Variants in GPR27 observed in about 807,000 individuals in gnomAD.
GPR27 encodes G protein-coupled receptor 27.
In GPR27, 3 loss-of-function variants were observed where a neutral mutation model predicts 2.4. The ratio of observed to expected loss-of-function variants is 1.23; its 90% CI spans 0.56 to 3.18. The LOEUF (loss-of-function observed/expected upper bound fraction) is 3.18, where lower values mean the gene tolerates loss of function less well. Among genes scored for constraint, GPR27 ranks in the 30% most tolerant of loss-of-function variants. The probability of loss-of-function intolerance (pLI) is 0.03; values close to 1 mark genes in which losing one functional copy is unlikely to be tolerated. For missense variants in GPR27, 526 were observed against 566.1 expected, an observed-to-expected ratio of 0.93 and a Z score of 0.72; for synonymous variants, 367 against 296.4, an observed-to-expected ratio of 1.24 and a Z score of -2.45.
Position 71,754,242 on chromosome 3 carries a change from G to C in GPR27, c.193G>C (p.Gly65Arg). The C allele has an allele frequency of 7.7e-7, 1 of 1,294,404 alleles. No individual in the cohort carries two copies. Among genetic ancestry groups the C allele is most frequent in the Non-Finnish European group, 1.0e-6 (1 of 1,004,126 alleles). 80.2% of individuals were successfully genotyped at this position (1,294,404 alleles called of 1,614,324 possible). Reference protein sequence around the residue: ...YLLLDLCLADGLRALACLPAV... With the variant: ...YLLLDLCLADRLRALACLPAV... ...GCTGCTCGACCTGTGCCTGGCCGAC[G>C]GGCTGCGCGCGCTCGCCTGCCTCCC... The change falls in exon 1 of 1, where the codon GGG (glycine) becomes CGG (arginine). Residue 65 changes from glycine (G) to arginine (R), a missense_variant. Transcript: ENST00000304411. The surrounding 1 kb of genome is among the most constrained non-coding windows in gnomAD (Gnocchi z 5.8).
In GPR27 at chr3:71,754,711, C is replaced by T; in HGVS notation, c.662C>T (p.Pro221Leu). The T allele has an allele frequency of 6.7e-7, 1 of 1,484,050 alleles. No individual in the cohort carries two copies. The highest frequency in any genetic ancestry group is 8.9e-7 in the Non-Finnish European group (1 of 1,121,732). 91.9% of individuals were successfully genotyped at this position (1,484,050 alleles called of 1,614,324 possible). Residue 221 changes from proline to leucine, a missense_variant, in exon 1 of 1, where the codon CCC (proline) becomes CTC (leucine). By Grantham distance (98) the Pro-to-Leu change is moderately conservative. Coordinates refer to ENST00000304411, the MANE Select transcript of GPR27 (RefSeq NM_018971.3). The surrounding 1 kb of genome is among the most constrained non-coding windows in gnomAD (Gnocchi z 5.8). Reference sequence around the variant, plus strand: ...AAGATGCGGCCCGCGCGCCTGGTGCCCGCCGTCAGCCACGACTGGACCTTC... The same window carrying T: ...AAGATGCGGCCCGCGCGCCTGGTGCTCGCCGTCAGCCACGACTGGACCTTC... The part of the protein sequence containing the change: ...RRKMRPARLV[P>L]AVSHDWTFHG...
Position 71,756,218 on chromosome 3 carries a change from T to C in GPR27, c.*1041T>C, listed in dbSNP as rs184748745. The stretch of plus-strand genomic sequence containing the variant: ...TATAAATGAATGGAATATAATGATA[T>C]CCTCCTTCTAGGAAACAAAGCATTT... On this transcript the variant is annotated 3_prime_UTR_variant, in exon 1 of 1. Coordinates refer to ENST00000304411, the MANE Select transcript of GPR27 (RefSeq NM_018971.3). 2.3e-3 allele frequency: 350 copies of C among 152,334 alleles called. 1 individual carries two copies. The highest frequency in any genetic ancestry group is 7.5e-3 in the African/African-American group (313 of 41,576). 9.4% of individuals were successfully genotyped at this position (152,334 alleles called of 1,614,324 possible). A position where few individuals can be genotyped will look rare whatever the true frequency, so the allele number is the denominator to read the frequency against.
Position 71,755,012 on chromosome 3 carries a change from G to T in GPR27, c.963G>T (p.Thr321=). The T allele has an allele frequency of 6.2e-7, 1 of 1,613,168 alleles. No homozygotes were observed. Among genetic ancestry groups the T allele is most frequent in the Non-Finnish European group, 8.5e-7 (1 of 1,179,948 alleles). Residue 321 remains threonine, a synonymous_variant, in exon 1 of 1, where the codon ACG becomes ACT. Transcript: ENST00000304411. ...RPGAVPQAYL[T]ASVWLTFAQA... is the part of the protein sequence containing the mutation. ...GCGCCGTCCCCCAGGCCTACCTGACGGCCTCCGTGTGGCTGACCTTCGCGC... is the reference window on the plus strand; with the variant it reads ...GCGCCGTCCCCCAGGCCTACCTGACTGCCTCCGTGTGGCTGACCTTCGCGC...
In GPR27 at chr3:71,754,048, C is replaced by A. The variant is rs1401218828; in HGVS notation, c.-2C>A. The A allele has an allele frequency of 8.0e-7, 1 of 1,248,382 alleles. No individual in the cohort carries two copies. Among genetic ancestry groups the A allele is most frequent in the Non-Finnish European group, 1.0e-6 (1 of 985,030 alleles). The allele number at this position is 1,248,382 out of a possible 1,614,324, so 77.3% of individuals were successfully genotyped here. A position where few individuals can be genotyped will look rare whatever the true frequency, so the allele number is the denominator to read the frequency against. On this transcript the variant is annotated 5_prime_UTR_variant, in exon 1 of 1. Transcript: ENST00000304411. This position sits in a 1 kb window ranked among gnomAD's most constrained non-coding sequence, Gnocchi z 5.8. The stretch of plus-strand genomic sequence containing the variant: ...CGGAGCGCACGGCCTGGTGAGGCCG[C>A]GATGGCGAACGCGAGCGAGCCGGGT...
chr3:71,755,120 G>A lies in GPR27; in HGVS notation c.1071G>A (p.Gln357=), dbSNP rs2049989596. 9 of 1,609,704 alleles carry A rather than the reference G, an allele frequency of 5.6e-6. No homozygotes were observed. Among genetic ancestry groups the A allele is most frequent in the Non-Finnish European group, 7.6e-6 (9 of 1,179,818 alleles). ...DCFRAQFPCC[Q]SPRTTQATHP... ...TCAGGGCCCAGTTCCCCTGCTGCCA[G>A]AGCCCCCGGACCACCCAGGCGACCC... The change falls in exon 1 of 1, where the codon CAG becomes CAA. Residue 357 remains glutamine, a synonymous_variant. Transcript: ENST00000304411.
At position 71,754,950 on chromosome 3, in the gene GPR27, G is replaced by A. The variant is rs199998362; in HGVS notation, c.901G>A (p.Val301Ile). The A allele has an allele frequency of 5.3e-5, 86 of 1,613,276 alleles. No individual in the cohort carries two copies. The highest frequency in any genetic ancestry group is 7.1e-5 in the Non-Finnish European group (84 of 1,179,784). ...LLFLLLWGPY[V>I]VASYLRVLVR... ...CTTCCTGCTCCTCTGGGGGCCCTAC[G>A]TCGTGGCCAGCTACCTGCGGGTCCT... is the stretch of plus-strand genomic sequence containing the variant. Residue 301 changes from valine to isoleucine, a missense_variant, in exon 1 of 1, where the codon GTC becomes ATC. Around this residue, in one of 3 missense-constraint regions of GPR27, gnomAD observed 116 missense variants for 100.9 expected, o/e 1.15. Coordinates refer to ENST00000304411, the MANE Select transcript of GPR27 (RefSeq NM_018971.3). This position sits in a 1 kb window ranked among gnomAD's most constrained non-coding sequence, Gnocchi z 5.8.
At position 71,755,039 on chromosome 3, in the gene GPR27, G is replaced by C. The variant is rs2049987831; in HGVS notation, c.990G>C (p.Gln330His). The change falls in exon 1 of 1, where the codon CAG (glutamine) becomes CAC (histidine). Residue 330 changes from glutamine to histidine, a missense_variant. This residue lies in a region of GPR27 where 116 missense variants were observed against 100.9 expected (regional missense o/e 1.15). Coordinates refer to ENST00000304411, the MANE Select transcript of GPR27 (RefSeq NM_018971.3). ...LTASVWLTFA[Q>H]AGINPVVCFL... Reference sequence around the variant, plus strand: ...CCTCCGTGTGGCTGACCTTCGCGCAGGCCGGCATCAACCCCGTCGTGTGCT... The same window carrying C: ...CCTCCGTGTGGCTGACCTTCGCGCACGCCGGCATCAACCCCGTCGTGTGCT... 5 of 1,612,456 alleles carry C rather than the reference G, an allele frequency of 3.1e-6. No homozygotes were observed. The highest frequency in any genetic ancestry group is 4.2e-6 in the Non-Finnish European group (5 of 1,179,992).
chr3:71,754,593 G>T lies in GPR27; in HGVS notation c.544G>T (p.Gly182Cys). 1 of 1,420,680 alleles carries T rather than the reference G, an allele frequency of 7.0e-7. No homozygotes were observed. The highest frequency in any genetic ancestry group is 9.2e-7 in the Non-Finnish European group (1 of 1,086,986). 88.0% of individuals were successfully genotyped at this position (1,420,680 alleles called of 1,614,324 possible). The change falls in exon 1 of 1, where the codon GGC becomes TGC. Residue 182 changes from glycine to cysteine, a missense_variant. Gly to Cys is a radical substitution (Grantham distance 159). Around this residue, in one of 3 missense-constraint regions of GPR27, gnomAD observed 312 missense variants for 318.4 expected, o/e 0.98. Transcript: ENST00000304411. This position sits in a 1 kb window ranked among gnomAD's most constrained non-coding sequence, Gnocchi z 5.8. ...ALEQRPDGAP[G>C]ALGFLLLLAV... is the part of the protein sequence containing the mutation. ...GGAGCAGCGGCCCGACGGCGCCCCC[G>T]GCGCGCTGGGCTTCCTGCTGCTGCT...
In GPR27 at chr3:71,754,314, C is replaced by A; in HGVS notation, c.265C>A (p.Pro89Thr). The A allele has an allele frequency of 8.6e-7, 1 of 1,160,684 alleles. No homozygotes were observed. Among genetic ancestry groups the A allele is most frequent in the Non-Finnish European group, 1.1e-6 (1 of 943,676 alleles). The allele number at this position is 1,160,684 out of a possible 1,614,324, so 71.9% of individuals were successfully genotyped here. A position where few individuals can be genotyped will look rare whatever the true frequency, so the allele number is the denominator to read the frequency against. ...GCGTGCGGCGGCCGCGGCGGGGGCGCCGCCGGGCGCGCTGGGCTGCAAGCT... is the reference window on the plus strand; with the variant it reads ...GCGTGCGGCGGCCGCGGCGGGGGCGACGCCGGGCGCGCTGGGCTGCAAGCT... ...ARRAAAAAGA[P>T]PGALGCKLLA... The change falls in exon 1 of 1, where the codon CCG becomes ACG. Residue 89 changes from proline (P) to threonine (T), a missense_variant. Pro to Thr is a conservative substitution (Grantham distance 38). This residue lies in a region of GPR27 where 312 missense variants were observed against 318.4 expected (regional missense o/e 0.98). Transcript: ENST00000304411. This position sits in a 1 kb window ranked among gnomAD's most constrained non-coding sequence, Gnocchi z 5.8.
chr3:71,755,088 G>A lies in GPR27; in HGVS notation c.1039G>A (p.Asp347Asn). The A allele has an allele frequency of 6.2e-7, 1 of 1,610,802 alleles. No homozygotes were observed. Among genetic ancestry groups the A allele is most frequent in the East Asian group, 2.2e-5 (1 of 44,860 alleles). The change falls in exon 1 of 1, where the codon GAC becomes AAC. Residue 347 changes from aspartate to asparagine, a missense_variant. Asp to Asn is a conservative substitution (Grantham distance 23, BLOSUM62 1). Coordinates refer to ENST00000304411, the MANE Select transcript of GPR27 (RefSeq NM_018971.3). ...CTTCCTCTTCAACAGGGAGCTGAGG[G>A]ACTGCTTCAGGGCCCAGTTCCCCTG... ...VCFLFNRELR[D>N]CFRAQFPCCQ...
rs759679789 is a variant in GPR27 at position 71,755,194 on chromosome 3, T to C, written c.*17T>C. On this transcript the variant is annotated 3_prime_UTR_variant, in exon 1 of 1. Transcript: ENST00000304411. The stretch of plus-strand genomic sequence containing the variant: ...GGTTTATGAGGGAGGCCCCGCCACA[T>C]AGACCCCCAACCCAGCCTTTCCCTT... 6.4e-7 allele frequency: 1 copy of C among 1,563,712 alleles called. No individual in the cohort carries two copies. The highest frequency in any genetic ancestry group is 1.1e-5 in the South Asian group (1 of 87,438).
In GPR27 at chr3:71,754,208, G is replaced by C. The variant is rs973629714; in HGVS notation, c.159G>C (p.Pro53=). Residue 53 remains proline (P), a synonymous_variant, in exon 1 of 1, where the codon CCG becomes CCC. Coordinates refer to ENST00000304411, the MANE Select transcript of GPR27 (RefSeq NM_018971.3). This position sits in a 1 kb window ranked among gnomAD's most constrained non-coding sequence, Gnocchi z 5.8. The part of the protein sequence containing the change: ...IVRERSLHRA[P]YYLLLDLCLA... ...GGGAGCGCAGCCTGCACCGCGCCCCGTACTACCTGCTGCTCGACCTGTGCC... is the reference window on the plus strand; with the variant it reads ...GGGAGCGCAGCCTGCACCGCGCCCCCTACTACCTGCTGCTCGACCTGTGCC... 7.1e-7 allele frequency: 1 copy of C among 1,401,954 alleles called. No individual in the cohort carries two copies. Among genetic ancestry groups the C allele is most frequent in the Non-Finnish European group, 9.4e-7 (1 of 1,061,726 alleles). 86.8% of individuals were successfully genotyped at this position (1,401,954 alleles called of 1,614,324 possible). A position where few individuals can be genotyped will look rare whatever the true frequency, so the allele number is the denominator to read the frequency against.
Position 71,754,182 on chromosome 3 carries a change from C to T in GPR27, c.133C>T (p.Arg45Trp), listed in dbSNP as rs1412391892. Reference sequence around the variant, plus strand: ...CGTGCTGTTCGCGCTGCTGATCGTGCGGGAGCGCAGCCTGCACCGCGCCCC... The same window carrying T: ...CGTGCTGTTCGCGCTGCTGATCGTGTGGGAGCGCAGCCTGCACCGCGCCCC... ...GNVLFALLIV[R>W]ERSLHRAPYY... Residue 45 changes from arginine (R) to tryptophan (W), a missense_variant, in exon 1 of 1, where the codon CGG becomes TGG. By Grantham distance (101) the Arg-to-Trp change is moderately radical (BLOSUM62 -3). Coordinates refer to ENST00000304411, the MANE Select transcript of GPR27 (RefSeq NM_018971.3). This position sits in a 1 kb window ranked among gnomAD's most constrained non-coding sequence, Gnocchi z 5.8. 2.1e-6 allele frequency: 3 copies of T among 1,440,684 alleles called. No homozygotes were observed. The highest frequency in any genetic ancestry group is 3.1e-5 in the East Asian group (1 of 32,526). 89.2% of individuals were successfully genotyped at this position (1,440,684 alleles called of 1,614,324 possible). A position where few individuals can be genotyped will look rare whatever the true frequency, so the allele number is the denominator to read the frequency against.
In GPR27 at chr3:71,755,210, C is replaced by T. The variant is rs2049990572; in HGVS notation, c.*33C>T. The stretch of plus-strand genomic sequence containing the variant: ...CCCGCCACATAGACCCCCAACCCAG[C>T]CTTTCCCTTTGGCTCGGACGGTGAC... On this transcript the variant is annotated 3_prime_UTR_variant, in exon 1 of 1. Coordinates refer to ENST00000304411, the MANE Select transcript of GPR27 (RefSeq NM_018971.3). The T allele has an allele frequency of 1.3e-6, 2 of 1,506,550 alleles. No homozygotes were observed. The highest frequency in any genetic ancestry group is 1.4e-5 in the African/African-American group (1 of 72,416). The allele number at this position is 1,506,550 out of a possible 1,614,324, so 93.3% of individuals were successfully genotyped here. A position where few individuals can be genotyped will look rare whatever the true frequency, so the allele number is the denominator to read the frequency against.
chr3:71,754,741 G>A lies in GPR27; in HGVS notation c.692G>A (p.Gly231Asp). The A allele has an allele frequency of 5.0e-6, 7 of 1,395,270 alleles. No homozygotes were observed. Among genetic ancestry groups the A allele is most frequent in the Non-Finnish European group, 6.6e-6 (7 of 1,068,112 alleles). The allele number at this position is 1,395,270 out of a possible 1,614,324, so 86.4% of individuals were successfully genotyped here. A position where few individuals can be genotyped will look rare whatever the true frequency, so the allele number is the denominator to read the frequency against. ...GTCAGCCACGACTGGACCTTCCACG[G>A]CCCGGGCGCCACCGGCCAGGCGGCC... ...PAVSHDWTFH[G>D]PGATGQAAAN... Residue 231 changes from glycine (G) to aspartate (D), a missense_variant, in exon 1 of 1, where the codon GGC (glycine) becomes GAC (aspartate). Transcript: ENST00000304411. The surrounding 1 kb of genome is among the most constrained non-coding windows in gnomAD (Gnocchi z 5.8).
chr3:71,754,858 T>C lies in GPR27; in HGVS notation c.809T>C (p.Leu270Pro). Residue 270 changes from leucine (L) to proline (P), a missense_variant, in exon 1 of 1, where the codon CTC (leucine) becomes CCC (proline). By Grantham distance (98) the Leu-to-Pro change is moderately conservative. This residue lies in a region of GPR27 where 98 missense variants were observed against 146.7 expected (regional missense o/e 0.67). Coordinates refer to ENST00000304411, the MANE Select transcript of GPR27 (RefSeq NM_018971.3). The surrounding 1 kb of genome is among the most constrained non-coding windows in gnomAD (Gnocchi z 5.8). Reference sequence around the variant, plus strand: ...GGGCCGGGCCGCGGCGCGCGCCGCCTCCTCGTGCTGGAAGAATTCAAGACG... The same window carrying C: ...GGGCCGGGCCGCGGCGCGCGCCGCCCCCTCGTGCTGGAAGAATTCAAGACG... ...PAGPGRGARRLLVLEEFKTEK... is the reference protein window; with the variant it reads ...PAGPGRGARRPLVLEEFKTEK... 1 of 1,422,668 alleles carries C rather than the reference T, an allele frequency of 7.0e-7. No individual in the cohort carries two copies. Among genetic ancestry groups the C allele is most frequent in the East Asian group, 2.9e-5 (1 of 34,352 alleles). The allele number at this position is 1,422,668 out of a possible 1,614,324, so 88.1% of individuals were successfully genotyped here. A position where few individuals can be genotyped will look rare whatever the true frequency, so the allele number is the denominator to read the frequency against.
rs956171060 is a variant in GPR27 at position 71,755,761 on chromosome 3, T to A, written c.*584T>A. ...TTCTTTGAAAGTCTCAGTGTTGATA[T>A]TGAACTTAAAGAGCAGAGATGGAGA... On this transcript the variant is annotated 3_prime_UTR_variant, in exon 1 of 1. Coordinates refer to ENST00000304411, the MANE Select transcript of GPR27 (RefSeq NM_018971.3). 6.6e-6 allele frequency: 1 copy of A among 152,264 alleles called. No individual in the cohort carries two copies. The highest frequency in any genetic ancestry group is 2.4e-5 in the African/African-American group (1 of 41,434). 9.4% of individuals were successfully genotyped at this position (152,264 alleles called of 1,614,324 possible). A position where few individuals can be genotyped will look rare whatever the true frequency, so the allele number is the denominator to read the frequency against.
rs1333229131 is a variant in GPR27 at position 71,754,965 on chromosome 3, C to G, written c.916C>G (p.Leu306Val). 9 of 1,613,360 alleles carry G rather than the reference C, an allele frequency of 5.6e-6. No individual in the cohort carries two copies. The highest frequency in any genetic ancestry group is 7.6e-6 in the Non-Finnish European group (9 of 1,179,844). ...LWGPYVVASY[L>V]RVLVRPGAVP... ...GGGGCCCTACGTCGTGGCCAGCTAC[C>G]TGCGGGTCCTGGTGCGGCCCGGCGC... The change falls in exon 1 of 1, where the codon CTG (leucine) becomes GTG (valine). Residue 306 changes from leucine to valine, a missense_variant. This residue lies in a region of GPR27 where 116 missense variants were observed against 100.9 expected (regional missense o/e 1.15). Coordinates refer to ENST00000304411, the MANE Select transcript of GPR27 (RefSeq NM_018971.3). This position sits in a 1 kb window ranked among gnomAD's most constrained non-coding sequence, Gnocchi z 5.8.
Position 71,754,756 on chromosome 3 carries a change from G to A in GPR27, c.707G>A (p.Gly236Asp). The change falls in exon 1 of 1, where the codon GGC (glycine) becomes GAC (aspartate). Residue 236 changes from glycine to aspartate, a missense_variant. Transcript: ENST00000304411. The surrounding 1 kb of genome is among the most constrained non-coding windows in gnomAD (Gnocchi z 5.8). ...DWTFHGPGATGQAAANWTAGF... is the reference protein window; with the variant it reads ...DWTFHGPGATDQAAANWTAGF... ...ACCTTCCACGGCCCGGGCGCCACCG[G>A]CCAGGCGGCCGCCAACTGGACGGCG... 7.4e-7 allele frequency: 1 copy of A among 1,349,788 alleles called. No homozygotes were observed. The highest frequency in any genetic ancestry group is 9.6e-7 in the Non-Finnish European group (1 of 1,043,572). The allele number at this position is 1,349,788 out of a possible 1,614,324, so 83.6% of individuals were successfully genotyped here.
Sources: gnomAD v4.1 joint callset for allele counts on GRCh38, gnomAD v4.1.1 for gene constraint, gnomAD v4.1.1 regional missense constraint, Gnocchi (gnomAD v3.1) non-coding constraint, MANE v1.5 for transcripts, NCBI Gene and HGNC (gene_info 2026-07-23, HGNC 2026-07-21) for gene names.